The following DPP6 variants were observed in gnomAD, a reference collection of about 807,000 sequenced individuals.
DPP6 encodes dipeptidyl peptidase like 6, also known as A-type potassium channel modulatory protein DPP6.
DPP6 carries 69 observed loss-of-function variants against 122.6 expected under a neutral mutation model. The observed-to-expected ratio is 0.56, with a 90% CI of 0.46 to 0.69. The LOEUF (loss-of-function observed/expected upper bound fraction) is 0.69, where lower values mean the gene tolerates loss of function less well. DPP6 is among the 30% of genes least tolerant of loss of function. DPP6 has a pLI of 0.00. For missense variants in DPP6, 928 were observed against 1,116.9 expected, an observed-to-expected ratio of 0.83 and a Z score of 2.41; for synonymous variants, 418 against 433.1, an observed-to-expected ratio of 0.97 and a Z score of 0.43.
At chr7:154,044,474 C>G (rs1165863739) in intron 1 of DPP6, among the ~76,000 whole-genome samples, 1 of 152,068 alleles carries the variant, frequency 6.6e-6, no homozygotes, top group Non-Finnish European at 1.5e-5. Context: ...ATTTCTTTTT[C>G]CAGGTTAGGT....
the DPP6 span, among the ~76,000 whole-genome samples, chr7:153,851,418 T>C: frequency 1.3e-5 from 2 of 152,144 alleles, no homozygotes; most frequent in Admixed American, 6.5e-5. Context: ...TTCAAGGTTA[T>C]TTTTTCTTTT....
rs1164873140 is a variant in DPP6 at position 154,052,811 on chromosome 7, G to A, written c.-10G>A. 4.0e-6 allele frequency: 6 copies of A among 1,517,180 alleles called. No individual in the cohort carries two copies. Among genetic ancestry groups the A allele is most frequent in the South Asian group, 1.2e-5 (1 of 83,800 alleles). The allele number at this position is 1,517,180 out of a possible 1,614,324, so 94.0% of individuals were successfully genotyped here. ...AGCCCCAAAGACAGCCAGCAGGAGC[G>A]CGGTGCCCGATGGCTTCGCTGTACC... On this transcript the variant is annotated 5_prime_UTR_variant, in exon 1 of 26. Transcript: ENST00000377770. This position sits in a 1 kb window ranked among gnomAD's most constrained non-coding sequence, Gnocchi z 4.8.
At chr7:154,648,084 CT>C (rs1836612885) in intron 6 of DPP6, among the ~76,000 whole-genome samples, 1 of 94,586 alleles carries the variant, frequency 1.1e-5, no homozygotes, top group Admixed American at 1.4e-4. Flanking sequence ...AACCCCGTCT[CT>C]ATTAAAATTA....
At chr7:154,424,266 G>A (rs1224975621) in intron 1 of DPP6, among the ~76,000 whole-genome samples, 1 of 152,080 alleles carries the variant, frequency 6.6e-6, no homozygotes, top group African/African-American at 2.4e-5. Context: ...ATTTGTTTTC[G>A]CTTATTGCTG....
intron 19 of DPP6, 127 bp downstream of exon 19, chr7:154,872,820 A>AT: frequency 6.6e-7 from 1 of 1,505,082 alleles, no homozygotes; most frequent in East Asian, 2.5e-5. Context: ...AACTGAAAAC[A>AT]TAACATCGTT....
In DPP6 at chr7:154,575,303, G is replaced by A. The variant is rs1241145157; in HGVS notation, c.627+8387G>A. ...TATGTGGTGTGTATGTGTGTGGGGG[G>A]TGTATGTGTGTGGTGTGTGTATGTG... is the stretch of plus-strand genomic sequence containing the variant. On this transcript the variant is annotated intron_variant, in intron 5 of 25. Coordinates refer to ENST00000377770, the MANE Select transcript of DPP6 (RefSeq NM_130797.4). Among the ~76,000 whole-genome samples, 760 of 120,120 alleles carry A rather than the reference G, an allele frequency of 6.3e-3. 10 individuals carry two copies. The highest frequency in any genetic ancestry group is 0.021 in the African/African-American group (654 of 31,790). 78.8% of individuals were successfully genotyped at this position (120,120 alleles called of 152,430 possible).
chr7:154,825,017 A>T (rs1648449300), intron 16 of DPP6, among the ~76,000 whole-genome samples: 2 of 152,362 alleles, frequency 1.3e-5, no homozygotes, highest in African/African-American at 4.8e-5. Flanking sequence ...TAAAAATATG[A>T]TTTTTAAATG....
chr7:154,008,594 CAG>C (rs1427037415), intron 1 of DPP6, among the ~76,000 whole-genome samples: 1 of 151,776 alleles, frequency 6.6e-6, no homozygotes, highest in Non-Finnish European at 1.5e-5. Flanking sequence ...AAGCTCACAG[CAG>C]AGTCCATCTC....
intron 1 of DPP6, among the ~76,000 whole-genome samples, chr7:154,135,929 T>C (rs1161299517): frequency 6.6e-6 from 1 of 150,436 alleles, no homozygotes; most frequent in Non-Finnish European, 1.5e-5. Context: ...AGCCCACACT[T>C]CCTCTATGCA....
At chr7:154,472,792 G>C (rs1337171262) in intron 2 of DPP6, among the ~76,000 whole-genome samples, 2 of 152,214 alleles carry the variant, frequency 1.3e-5, no homozygotes, top group Non-Finnish European at 1.5e-5. Context: ...ATTAAGGACA[G>C]AGTCATGTCC....
intron 1 of DPP6, among the ~76,000 whole-genome samples, chr7:154,128,517 T>A (rs1164849193): frequency 6.6e-6 from 1 of 152,166 alleles, no homozygotes; most frequent in African/African-American, 2.4e-5. Context: ...TTCTCCTGCC[T>A]CAGCCTCCCG....
intron 1 of DPP6, among the ~76,000 whole-genome samples, chr7:154,334,611 A>G (rs762971619): frequency 3.9e-4 from 59 of 152,170 alleles, no homozygotes; most frequent in Admixed American, 9.2e-4. Context: ...TAAAAAAAAT[A>G]CAAGCCTGGG....
intron 16 of DPP6, among the ~76,000 whole-genome samples, chr7:154,832,954 G>C (rs1800748838): frequency 6.6e-6 from 1 of 152,250 alleles, no homozygotes; most frequent in Non-Finnish European, 1.5e-5. Context: ...TCCAGTTCGA[G>C]AAGTCTTTCT....
chr7:154,824,429 G>A (rs1235137438), intron 16 of DPP6, among the ~76,000 whole-genome samples: 1 of 152,144 alleles, frequency 6.6e-6, no homozygotes, highest in Non-Finnish European at 1.5e-5. Context: ...ACAGGCATGT[G>A]CCACCACACC....
chr7:153,906,471 G>T (rs190591489), intron 1 of DPP6, among the ~76,000 whole-genome samples: 64 of 152,270 alleles, frequency 4.2e-4, no homozygotes, highest in African/African-American at 1.3e-3. Context: ...TAATTTCTGA[G>T]TTAGGGTCTC....
At chr7:153,978,458 T>C (rs992592629) in intron 1 of DPP6, among the ~76,000 whole-genome samples, 6 of 152,212 alleles carry the variant, frequency 3.9e-5, no homozygotes, top group Non-Finnish European at 8.8e-5. Context: ...TAGCCCTTTG[T>C]CAGATGGATA....
Position 154,389,926 on chromosome 7 carries a change from A to G in DPP6, c.244-56288A>G, listed in dbSNP as rs986582578. ...CAGTGACATTATAAGCAGCCTTGTA[A>G]GAATAGCTGTTACTACAAATATGCG... On this transcript the variant is annotated intron_variant, in intron 1 of 25. Coordinates refer to ENST00000377770, the MANE Select transcript of DPP6 (RefSeq NM_130797.4). Among the ~76,000 whole-genome samples, 9 of 152,254 alleles carry G rather than the reference A, an allele frequency of 5.9e-5. No homozygotes were observed. The South Asian group carries it at 1.7e-3, about 28-fold the overall frequency.
At chr7:154,032,928 C>T (rs1193113578) in intron 1 of DPP6, among the ~76,000 whole-genome samples, 1 of 143,964 alleles carries the variant, frequency 6.9e-6, no homozygotes, top group Non-Finnish European at 1.5e-5. Context: ...CCTGTGACTG[C>T]CTTTAAAGGT....
At chr7:154,866,858 G>A (rs117365324) in intron 17 of DPP6, among the ~76,000 whole-genome samples, 4,086 of 152,164 alleles carry the variant, frequency 0.027, 215 homozygotes, top group Admixed American at 0.14. Flanking sequence ...GGCCTTCTGG[G>A]CAGAGTTCTT....
Sources: gnomAD v4.1 joint callset for allele counts (sites outside exome capture counted in the v4.1 genomes callset) on GRCh38, gnomAD v4.1.1 for gene constraint, Gnocchi (gnomAD v3.1) non-coding constraint, MANE v1.5 for transcripts, NCBI Gene and HGNC (gene_info 2026-07-23, HGNC 2026-07-21) for gene names.